Variants in LHFPL2 observed in about 807,000 individuals in gnomAD.
LHFPL2 encodes the protein LHFPL tetraspan subfamily member 2.
A neutral mutation model predicts 17.5 loss-of-function variants in LHFPL2; 7 were observed. The observed-to-expected ratio is 0.40, with a 90% confidence interval of 0.23 to 0.75. LHFPL2 has a LOEUF of 0.75. Among genes scored for constraint, LHFPL2 ranks in the 30% least tolerant of loss-of-function variants. The probability of loss-of-function intolerance (pLI) is 0.37; values close to 1 mark genes in which losing one functional copy is unlikely to be tolerated. For synonymous variants in LHFPL2, 134 were observed against 116.2 expected, an observed-to-expected ratio of 1.15 and a Z score of -0.99; for missense variants, 241 against 294.8, an observed-to-expected ratio of 0.82 and a Z score of 1.34.
chr5:78,648,759 T>G lies in LHFPL2; in HGVS notation c.-610A>C. 1 of 148,438 alleles carries G rather than the reference T, an allele frequency of 6.7e-6. No individual in the cohort carries two copies. Among genetic ancestry groups the G allele is most frequent in the African/African-American group, 2.5e-5 (1 of 39,796 alleles). 9.2% of individuals were successfully genotyped at this position (148,438 alleles called of 1,614,324 possible). A position where few individuals can be genotyped will look rare whatever the true frequency, so the allele number is the denominator to read the frequency against. ...GCTCGGCGGCCGCCCGGGCTAGCACTCGGGGAGAGGGAGGAGGAGGAGGGG... is the reference window on the plus strand; with the variant it reads ...GCTCGGCGGCCGCCCGGGCTAGCACGCGGGGAGAGGGAGGAGGAGGAGGGG... On this transcript the variant is annotated 5_prime_UTR_variant, in exon 1 of 5. Transcript: ENST00000380345. This position sits in a 1 kb window ranked among gnomAD's most constrained non-coding sequence, Gnocchi z 5.4.
intron 3 of LHFPL2, among the ~76,000 whole-genome samples, chr5:78,518,169 G>A (rs1462415237): frequency 2.6e-5 from 4 of 152,218 alleles, no homozygotes; most frequent in Admixed American, 1.3e-4. Context: ...AATTTTAAAT[G>A]AAAGGTGTTT....
chr5:78,556,024 G>A (rs1756564085), intron 3 of LHFPL2, among the ~76,000 whole-genome samples: 1 of 152,204 alleles, frequency 6.6e-6, no homozygotes, highest in African/African-American at 2.4e-5. Flanking sequence ...GGCAGGATGA[G>A]GGTGACAATG....
intron 3 of LHFPL2, among the ~76,000 whole-genome samples, chr5:78,545,754 CAG>C (rs1031124765): frequency 3.3e-5 from 5 of 152,240 alleles, no homozygotes; most frequent in African/African-American, 1.2e-4. Flanking sequence ...TTTGTTCCAA[CAG>C]AGTCAACTGA....
chr5:78,645,543 TACACACACAC>T (rs56911011), intron 1 of LHFPL2, among the ~76,000 whole-genome samples: 4,027 of 137,198 alleles, frequency 0.029, 99 homozygotes, highest in East Asian at 0.088. Context: ...GACAGATGCA[TACACACACAC>T]ACACACACAC....
intron 4 of LHFPL2, among the ~76,000 whole-genome samples, chr5:78,490,661 T>A (rs931206437): frequency 6.7e-6 from 1 of 148,454 alleles, no homozygotes; most frequent in Admixed American, 6.8e-5. Flanking sequence ...GGCAGAAGAA[T>A]CGCTTGAACC....
chr5:78,612,112 T>C (rs1017325526), intron 2 of LHFPL2, among the ~76,000 whole-genome samples: 2 of 152,196 alleles, frequency 1.3e-5, no homozygotes, highest in African/African-American at 4.8e-5. Context: ...ATTATGACAT[T>C]CCATTACACA....
At chr5:78,562,167 C>A (rs574609606) in intron 3 of LHFPL2, among the ~76,000 whole-genome samples, 1 of 152,304 alleles carries the variant, frequency 6.6e-6, no homozygotes, top group African/African-American at 2.4e-5. Flanking sequence ...GCATTCCCAT[C>A]TTTTTGTTGG....
chr5:78,489,210 G>A, intron 4 of LHFPL2, 57 bp from the exon 5 acceptor site: 1 of 1,590,460 alleles, frequency 6.3e-7, no homozygotes, highest in Non-Finnish European at 8.6e-7. Context: ...CAACTGTCCA[G>A]ATCTGTTGTA....
intron 1 of LHFPL2, chr5:78,644,541 GA>G: frequency 5.4e-6 from 3 of 556,458 alleles, no homozygotes; most frequent in Admixed American, 2.8e-5. Flanking sequence ...AATAGAACAA[GA>G]AAAAGGCCAG....
At chr5:78,490,386 G>A (rs148959756) in intron 4 of LHFPL2, among the ~76,000 whole-genome samples, 126 of 152,224 alleles carry the variant, frequency 8.3e-4, no homozygotes, top group African/African-American at 2.9e-3. Context: ...AAAAGCCAGA[G>A]GCCTGAAATG....
In LHFPL2 at chr5:78,612,120, A is replaced by C. The variant is rs375968569; in HGVS notation, c.-245+20144T>G. On this transcript the variant is annotated intron_variant, in intron 2 of 4. Coordinates refer to ENST00000380345, the MANE Select transcript of LHFPL2 (RefSeq NM_005779.3). ...GAAAAGGATTATGACATTCCATTACACATTAATTTGGTTAGCTGTTGGCTG... is the reference window on the plus strand; with the variant it reads ...GAAAAGGATTATGACATTCCATTACCCATTAATTTGGTTAGCTGTTGGCTG... Among the ~76,000 whole-genome samples, 9 of 152,342 alleles carry C rather than the reference A, an allele frequency of 5.9e-5. No individual in the cohort carries two copies. In the South Asian group the frequency reaches 1.9e-3, roughly 32 times the overall value.
In LHFPL2 at chr5:78,602,522, G is replaced by C. The variant is rs867695165; in HGVS notation, c.-245+29742C>G. Among the ~76,000 whole-genome samples the C allele has an allele frequency of 4.9e-4, 74 of 152,318 alleles. No homozygotes were observed. The Middle Eastern group carries it at 0.021, about 43-fold the overall frequency. On this transcript the variant is annotated intron_variant, in intron 2 of 4. Transcript: ENST00000380345. ...CATAGACATGATTGATTTAGATTTAGTCTTCATTTGTTTGTTCTTTAAGAA... is the reference window on the plus strand; with the variant it reads ...CATAGACATGATTGATTTAGATTTACTCTTCATTTGTTTGTTCTTTAAGAA...
intron 1 of LHFPL2, among the ~76,000 whole-genome samples, chr5:78,642,631 C>CA (rs1745711838): frequency 6.6e-6 from 1 of 152,204 alleles, no homozygotes; most frequent in East Asian, 1.9e-4. Context: ...CCTACAAACA[C>CA]TTGCCACTAC....
intron 3 of LHFPL2, among the ~76,000 whole-genome samples, chr5:78,528,279 C>T (rs965099856): frequency 1.3e-5 from 2 of 152,266 alleles, no homozygotes; most frequent in African/African-American, 4.8e-5. Flanking sequence ...CGGTCTGTGG[C>T]CTGTTAGGAA....
intron 2 of LHFPL2, among the ~76,000 whole-genome samples, chr5:78,580,734 G>A (rs1214223412): frequency 6.6e-6 from 1 of 152,178 alleles, no homozygotes; most frequent in Non-Finnish European, 1.5e-5. Context: ...GTACCATGCT[G>A]TTTTGGTTAC....
At chr5:78,608,767 C>CA (rs906980769) in intron 2 of LHFPL2, among the ~76,000 whole-genome samples, 5 of 151,842 alleles carry the variant, frequency 3.3e-5, no homozygotes, top group African/African-American at 1.2e-4. Context: ...CCCATCTCTA[C>CA]AAAAAATACA....
intron 2 of LHFPL2, among the ~76,000 whole-genome samples, chr5:78,582,142 T>C (rs1333610073): frequency 6.6e-6 from 1 of 152,238 alleles, no homozygotes; most frequent in Non-Finnish European, 1.5e-5. Context: ...TGATACCCCT[T>C]TATCATTTTT....
At chr5:78,508,960 CT>C (rs1755018710) in intron 4 of LHFPL2, among the ~76,000 whole-genome samples, 3 of 152,194 alleles carry the variant, frequency 2.0e-5, no homozygotes, top group Admixed American at 2.0e-4. Context: ...TGAATCAAAC[CT>C]AGACAGATTG....
At chr5:78,512,084 T>C (rs541277621) in intron 3 of LHFPL2, among the ~76,000 whole-genome samples, 96 of 152,258 alleles carry the variant, frequency 6.3e-4, no homozygotes, top group African/African-American at 2.2e-3. Flanking sequence ...GCAGAGTAAG[T>C]GCTCAACAAA....
Sources: gnomAD v4.1 joint callset for allele counts (sites outside exome capture counted in the v4.1 genomes callset) on GRCh38, gnomAD v4.1.1 for gene constraint, Gnocchi (gnomAD v3.1) non-coding constraint, MANE v1.5 for transcripts, NCBI Gene and HGNC (gene_info 2026-07-23, HGNC 2026-07-21) for gene names.